ZNF568: variants seen among roughly 807,000 people sequenced by gnomAD.
ZNF568 encodes the protein p53 inhibitor of SCO2 activation.
A neutral mutation model predicts 18.1 loss-of-function variants in ZNF568; 11 were observed. The observed-to-expected ratio is 0.61, with a 90% CI of 0.38 to 1.00. ZNF568 has a LOEUF of 1.00. Among genes scored for constraint, ZNF568 ranks in the 50% least tolerant of loss-of-function variants. ZNF568 has a pLI of 0.01. For synonymous variants in ZNF568, 213 were observed against 246.6 expected, an observed-to-expected ratio of 0.86 and a Z score of 1.28; for missense variants, 639 against 768.2, an observed-to-expected ratio of 0.83 and a Z score of 1.99.
intron 4 of ZNF568, among the ~76,000 whole-genome samples, chr19:36,993,829 T>C (rs2074445909): frequency 6.6e-6 from 1 of 152,140 alleles, no homozygotes; most frequent in African/African-American, 2.4e-5. Flanking sequence ...GCCAATTCTG[T>C]TGATCTTTTC....
chr19:36,995,269 C>T (rs1187016062), intron 4 of ZNF568, among the ~76,000 whole-genome samples: 2 of 151,932 alleles, frequency 1.3e-5, no homozygotes, highest in Non-Finnish European at 2.9e-5. Context: ...CATGGTGGCC[C>T]GTGCCTGTAG....
downstream of ZNF568, chr19:36,952,869 ATC>A (rs1483645303): frequency 1.7e-5 from 3 of 175,276 alleles, no homozygotes; most frequent in East Asian, 5.6e-4. Context: ...TTTATGAAAA[ATC>A]TCTCTAGAAA....
intron 4 of ZNF568, chr19:36,996,262 T>A: frequency 7.6e-7 from 1 of 1,318,492 alleles, no homozygotes; most frequent in African/African-American, 1.5e-5. Flanking sequence ...TTCAGGACTT[T>A]TCTTTGTCCT....
chr19:36,941,806 A>G (rs16989376), intron 6 of ZNF568, among the ~76,000 whole-genome samples: 2,340 of 152,166 alleles, frequency 0.015, 23 homozygotes, highest in South Asian at 0.035. Context: ...TAGTTTTTTC[A>G]AAGTATACCT....
downstream of ZNF568, among the ~76,000 whole-genome samples, chr19:36,957,438 G>C (rs1271583295): frequency 6.6e-6 from 1 of 151,952 alleles, no homozygotes; most frequent in Non-Finnish European, 1.5e-5. Flanking sequence ...GGCCATGTTG[G>C]CCAGGCTGGT....
At chr19:36,985,951 G>T (rs1230886385) in intron 2 of ZNF568, among the ~76,000 whole-genome samples, 1 of 152,110 alleles carries the variant, frequency 6.6e-6, no homozygotes, top group African/African-American at 2.4e-5. Flanking sequence ...TTGACTCATA[G>T]GTTATTTTCC....
At chr19:36,971,373 A>G (rs748875123) in intron 6 of ZNF568, among the ~76,000 whole-genome samples, 5 of 151,460 alleles carry the variant, frequency 3.3e-5, no homozygotes, top group Non-Finnish European at 7.4e-5. Context: ...ATTTTGGTCC[A>G]GTAGTTTGTT....
At chr19:36,939,937 A>G (rs147225507) in intron 6 of ZNF568, among the ~76,000 whole-genome samples, 2 of 152,278 alleles carry the variant, frequency 1.3e-5, no homozygotes, top group Non-Finnish European at 2.9e-5. Flanking sequence ...GAAGTCCTCT[A>G]TGCTGTATTT....
intron 6 of ZNF568, among the ~76,000 whole-genome samples, chr19:36,947,417 A>G (rs2073985856): frequency 6.6e-6 from 1 of 152,178 alleles, no homozygotes; most frequent in Non-Finnish European, 1.5e-5. Context: ...CATGAGGCTA[A>G]ATAACAGAAA....
intron 6 of ZNF568, among the ~76,000 whole-genome samples, chr19:36,945,737 A>ATG (rs35542484): frequency 0.19 from 28,696 of 148,870 alleles, 2,706 homozygotes; most frequent in African/African-American, 0.24. Context: ...GTGTGATTAT[A>ATG]TGTGTGTGTG....
At position 36,937,215 on chromosome 19, in the gene ZNF568, G is replaced by A. The variant is rs2073805865; in HGVS notation, c.331G>A (p.Glu111Lys). The A allele has an allele frequency of 6.2e-7, 1 of 1,613,906 alleles. No homozygotes were observed. Among genetic ancestry groups the A allele is most frequent in the Non-Finnish European group, 8.5e-7 (1 of 1,179,922 alleles). Residue 111 changes from glutamate to lysine, a missense_variant, in exon 6 of 7, where the codon GAA becomes AAA. Coordinates refer to ENST00000333987, the MANE Select transcript of ZNF568 (RefSeq NM_198539.4). Reference sequence around the variant, plus strand: ...AGAAGAGGAGCCCTGGGTGATGGAGGAAGAAATGTTTGGGAGGCACTGTCC... The same window carrying A: ...AGAAGAGGAGCCCTGGGTGATGGAGAAAGAAATGTTTGGGAGGCACTGTCC... Reference protein sequence around the residue: ...EQEEEPWVMEEEMFGRHCPEV... With the variant: ...EQEEEPWVMEKEMFGRHCPEV...
intron 6 of ZNF568, among the ~76,000 whole-genome samples, chr19:36,942,941 A>C (rs1311204629): frequency 6.6e-6 from 1 of 152,176 alleles, no homozygotes; most frequent in African/African-American, 2.4e-5. Context: ...TCAGGATCCA[A>C]ATAAAATCTG....
intron 4 of ZNF568, among the ~76,000 whole-genome samples, chr19:36,993,118 T>C (rs1759747249): frequency 6.6e-6 from 1 of 152,232 alleles, no homozygotes; most frequent in Admixed American, 6.5e-5. Context: ...ATAGGTTCCC[T>C]TCTTTTCTTC....
At position 36,948,658 on chromosome 19, in the gene ZNF568, A is replaced by ATTTTTTTTTTTTTTTTTTTTTTTT. The variant is rs4069585; in HGVS notation, c.359-852_359-829dup. On this transcript the variant is annotated intron_variant, in intron 6 of 6. Transcript: ENST00000333987. ...TTGCAGCAGGGGTTTTTTGTTGTTGATTTTTTTTTTTTTTTTTTTTTTTTT... is the reference window on the plus strand; with the variant it reads ...TTGCAGCAGGGGTTTTTTGTTGTTGATTTTTTTTTTTTTTTTTTTTTTTTTTTTTTTTTTTTTTTTTTTTTTTTT... Among the ~76,000 whole-genome samples, 7 of 83,576 alleles carry ATTTTTTTTTTTTTTTTTTTTTTTT rather than the reference A, an allele frequency of 8.4e-5. 1 individual carries two copies. The highest frequency in any genetic ancestry group is 1.4e-4 in the African/African-American group (3 of 20,980). 54.8% of individuals were successfully genotyped at this position (83,576 alleles called of 152,430 possible).
chr19:36,949,523 G>C lies in ZNF568; in HGVS notation c.370G>C (p.Val124Leu). The change falls in exon 7 of 7, where the codon GTT becomes CTT. Residue 124 changes from valine to leucine, a missense_variant. Val to Leu is a conservative substitution (Grantham distance 32). Coordinates refer to ENST00000333987, the MANE Select transcript of ZNF568 (RefSeq NM_198539.4). ...GTCCTCCATTTTAGAAGTTTGGGAA[G>C]TTGATGAACAGATCAAGAAGCAACA... ...FGRHCPEVWEVDEQIKKQQET... is the reference protein window; with the variant it reads ...FGRHCPEVWELDEQIKKQQET... 6.3e-7 allele frequency: 1 copy of C among 1,579,908 alleles called. No homozygotes were observed.
At chr19:36,931,676 A>AT (rs1221567496) in intron 4 of ZNF568, 37 of 152,122 alleles carry the variant, frequency 2.4e-4, no homozygotes, top group African/African-American at 8.9e-4. Context: ...CTTCACTGAG[A>AT]TTTTTTAAAC....
downstream of ZNF568, among the ~76,000 whole-genome samples, chr19:36,953,986 G>A (rs1568396650): frequency 6.6e-6 from 1 of 152,188 alleles, no homozygotes; most frequent in South Asian, 2.1e-4. Context: ...CACTTTGGGA[G>A]GCCTAGGCGG....
intron 2 of ZNF568, among the ~76,000 whole-genome samples, chr19:36,920,446 A>C (rs1023000513): frequency 2.0e-5 from 3 of 152,008 alleles, no homozygotes; most frequent in African/African-American, 7.2e-5. Flanking sequence ...AACATGGTGA[A>C]ACCCCGTCTC....
intron 6 of ZNF568, among the ~76,000 whole-genome samples, chr19:36,966,068 T>G (rs1186623282): frequency 1.3e-5 from 2 of 151,752 alleles, no homozygotes; most frequent in Admixed American, 1.3e-4. Flanking sequence ...GCAGATCACC[T>G]GAGGTCAGAA....
Sources: allele counts gnomAD v4.1 joint callset (sites outside exome capture counted in the v4.1 genomes callset), GRCh38; gene constraint gnomAD v4.1.1; transcripts MANE v1.5; gene names NCBI Gene and HGNC (gene_info 2026-07-23, HGNC 2026-07-21).